The following ANKFY1 variants were observed in gnomAD, a reference collection of about 807,000 sequenced individuals.
The protein encoded by ANKFY1 is ankyrin repeat and FYVE domain-containing protein 1.
ANKFY1 carries 47 observed loss-of-function variants against 128.3 expected under a neutral mutation model. The ratio of observed to expected loss-of-function variants is 0.37; its 90% CI spans 0.29 to 0.47. The LOEUF (loss-of-function observed/expected upper bound fraction) is 0.47. ANKFY1 is among the 20% of genes least tolerant of loss of function. The pLI, the probability that ANKFY1 is intolerant of heterozygous loss-of-function variation, is 1.00. For synonymous variants in ANKFY1, 553 were observed against 601.6 expected (o/e 0.92, Z 1.18); for missense variants, 1,222 against 1,510.6 (o/e 0.81, Z 3.17).
intron 10 of ANKFY1, among the ~76,000 whole-genome samples, chr17:4,192,919 G>A (rs900530167): frequency 2.6e-5 from 4 of 151,906 alleles, no homozygotes; most frequent in Non-Finnish European, 4.4e-5. Context: ...AAGATTACAC[G>A]TATAATGAAA....
intron 1 of ANKFY1, among the ~76,000 whole-genome samples, chr17:4,245,742 CAAAA>C (rs71383536): frequency 1.8e-5 from 1 of 55,308 alleles, no homozygotes; most frequent in Admixed American, 2.0e-4. Context: ...GACCCTGTCT[CAAAA>C]AAAAAAAAAA....
intron 7 of ANKFY1, among the ~76,000 whole-genome samples, chr17:4,202,981 C>CATATATAT (rs56774221): frequency 7.2e-4 from 106 of 146,300 alleles, no homozygotes; most frequent in Non-Finnish European, 1.2e-3. Context: ...TAATCATACA[C>CATATATAT]ATATATATAT....
At chr17:4,210,498 C>T (rs552199082) in intron 4 of ANKFY1, among the ~76,000 whole-genome samples, 1 of 152,224 alleles carries the variant, frequency 6.6e-6, no homozygotes, top group African/African-American at 2.4e-5. Context: ...CACCTGAGGT[C>T]GGGAGTTCGA....
At chr17:4,217,442 C>T (rs866559455) in intron 3 of ANKFY1, among the ~76,000 whole-genome samples, 3 of 151,942 alleles carry the variant, frequency 2.0e-5, no homozygotes, top group South Asian at 2.1e-4. Flanking sequence ...CCCAGCTACT[C>T]GGGCTGAGGC....
chr17:4,256,582 C>T (rs749181439), intron 1 of ANKFY1, among the ~76,000 whole-genome samples: 4 of 151,838 alleles, frequency 2.6e-5, no homozygotes, highest in African/African-American at 4.8e-5. Flanking sequence ...TGGGGGGAGT[C>T]GGAGATAACT....
intron 22 of ANKFY1, among the ~76,000 whole-genome samples, 178 bp from the exon 23 acceptor site, chr17:4,171,039 C>T (rs1387728656): frequency 6.6e-6 from 1 of 152,236 alleles, no homozygotes; most frequent in African/African-American, 2.4e-5. Flanking sequence ...CAACCTGTAG[C>T]ATCTTCCAAT....
At chr17:4,184,063 C>A (rs2059566611) in intron 12 of ANKFY1, among the ~76,000 whole-genome samples, 153 bp from the exon 13 acceptor site, 1 of 152,082 alleles carries the variant, frequency 6.6e-6, no homozygotes, top group African/African-American at 2.4e-5. Context: ...GACTCAAAGC[C>A]CAGAAATCTG....
intron 4 of ANKFY1, 195 bp downstream of exon 4, chr17:4,216,788 G>A: frequency 1.5e-6 from 1 of 685,288 alleles, no homozygotes; most frequent in Non-Finnish European, 2.5e-6. Flanking sequence ...AAAGAGAATA[G>A]CAAAAGCTTT....
rs937648105 is a variant in ANKFY1, at chr17:4,195,076, T to A, written c.1274A>T (p.Asp425Val). Residue 425 changes from aspartate to valine, a missense_variant, in exon 10 of 25, where the codon GAT (aspartate) becomes GTT (valine). By Grantham distance (152) the Asp-to-Val change is radical. Coordinates refer to ENST00000341657, the MANE Select transcript of ANKFY1 (RefSeq NM_001330063.2). The part of the protein sequence containing the change: ...SSDQSVNPFE[D>V]VPVVNGTSFD... ...TGAAGTCCCATTTACCACGGGGACA[T>A]CTTCGAAGGGGTTCACAGACTGGTC... The A allele has an allele frequency of 6.2e-7, 1 of 1,614,092 alleles. No individual in the cohort carries two copies. The highest frequency in any genetic ancestry group is 8.5e-7 in the Non-Finnish European group (1 of 1,180,048).
intron 4 of ANKFY1, among the ~76,000 whole-genome samples, chr17:4,211,907 CAAACAAACAAACAAACAAA>C (rs1283960678): frequency 5.1e-5 from 1 of 19,620 alleles, no homozygotes; most frequent in Non-Finnish European, 4.3e-3. Flanking sequence ...AAAACAAAAA[CAAACAAACAAACAAACAAA>C]AAACATCAAC....
chr17:4,228,396 G>A lies in ANKFY1; in HGVS notation c.322+7376C>T, dbSNP rs138686621. On this transcript the variant is annotated intron_variant, in intron 3 of 24. Transcript: ENST00000341657. ...CAAAGAGACATGAGGAAAGCTTTAA[G>A]GATGGAAATGTTTTTTGTTAGTTTT... Among the ~76,000 whole-genome samples the A allele has an allele frequency of 1.1e-3, 165 of 150,508 alleles. 2 individuals carry two copies. The highest frequency in any genetic ancestry group is 5.6e-4 in the Non-Finnish European group (38 of 67,602).
intron 3 of ANKFY1, chr17:4,223,109 A>G (rs1240407744): frequency 5.4e-6 from 4 of 737,402 alleles, no homozygotes; most frequent in Admixed American, 2.1e-5. Context: ...ATAAAGAAAA[A>G]CAAGCATTGG....
chr17:4,262,301 C>T (rs371046750), intron 1 of ANKFY1, among the ~76,000 whole-genome samples: 210 of 152,312 alleles, frequency 1.4e-3, no homozygotes, highest in Middle Eastern at 6.8e-3. Flanking sequence ...ACTCCATTCA[C>T]TCCAGGCTGG....
At chr17:4,257,359 G>A (rs143186210) in intron 1 of ANKFY1, among the ~76,000 whole-genome samples, 15 of 144,674 alleles carry the variant, frequency 1.0e-4, no homozygotes, top group Middle Eastern at 3.6e-3. Context: ...CTGTTCTGTC[G>A]CTACCGTGGC....
intron 16 of ANKFY1, among the ~76,000 whole-genome samples, chr17:4,180,655 G>T (rs980390745): frequency 6.7e-6 from 1 of 150,326 alleles, no homozygotes; most frequent in African/African-American, 2.4e-5. Flanking sequence ...TAGTCCCAGG[G>T]CTGAGGCAGG....
intron 1 of ANKFY1, among the ~76,000 whole-genome samples, chr17:4,246,398 C>T (rs371764789): frequency 1.8e-4 from 27 of 152,256 alleles, no homozygotes; most frequent in East Asian, 3.9e-4. Context: ...TATTTCTCTA[C>T]GAGAAATACA....
chr17:4,258,088 C>T (rs759986695), intron 1 of ANKFY1, among the ~76,000 whole-genome samples: 1 of 152,070 alleles, frequency 6.6e-6, no homozygotes, highest in East Asian at 1.9e-4. Context: ...CTAACAGCTA[C>T]AGCTGGTGAC....
chr17:4,173,727 G>A (rs2059364506), intron 20 of ANKFY1, among the ~76,000 whole-genome samples, 182 bp downstream of exon 20: 1 of 152,222 alleles, frequency 6.6e-6, no homozygotes, highest in Non-Finnish European at 1.5e-5. Context: ...CCACTCAGAT[G>A]GGGAGGCTGC....
intron 4 of ANKFY1, among the ~76,000 whole-genome samples, chr17:4,211,040 A>AC (rs2060120952): frequency 6.6e-6 from 1 of 151,936 alleles, no homozygotes; most frequent in Non-Finnish European, 1.5e-5. Context: ...AACAACAACA[A>AC]CAAAAAAAAT....
Sources: gnomAD v4.1 joint callset for allele counts (sites outside exome capture counted in the v4.1 genomes callset) on GRCh38, gnomAD v4.1.1 for gene constraint, MANE v1.5 for transcripts, NCBI Gene and HGNC (gene_info 2026-07-23, HGNC 2026-07-21) for gene names.